TRPA1: variants seen among roughly 807,000 people sequenced by gnomAD.
TRPA1 encodes ankyrin-like with transmembrane domains 1.
A neutral mutation model predicts 131.3 loss-of-function variants in TRPA1; 129 were observed. The observed-to-expected ratio is 0.98, with a 90% CI of 0.85 to 1.14. The LOEUF (loss-of-function observed/expected upper bound fraction) is 1.14. Ranked by LOEUF, TRPA1 falls within the 50% of genes most tolerant of loss-of-function variation. The pLI is 0.00. For missense variants in TRPA1, 1,304 were observed against 1,354.2 expected (o/e 0.96, Z 0.58); for synonymous variants, 441 against 451.7 (o/e 0.98, Z 0.30).
Position 72,055,563 on chromosome 8 carries a change from C to A in TRPA1, c.1402G>T (p.Asp468Tyr), listed in dbSNP as rs756082155. The change falls in exon 12 of 27, where the codon GAC becomes TAC. Residue 468 changes from aspartate (D) to tyrosine (Y), a missense_variant. Asp to Tyr is a radical substitution (Grantham distance 160, BLOSUM62 -3). Transcript: ENST00000262209. ...RINTCQRLLQ[D>Y]ISDTRLLNEG... ...TTCAGAAGCCTCGTATCACTTATGT[C>A]TTGTAGGAGCCTCTGACAGGTATTG... is the stretch of plus-strand genomic sequence containing the variant. 2.5e-6 allele frequency: 4 copies of A among 1,613,602 alleles called. No homozygotes were observed. In the Admixed American group the frequency reaches 6.7e-5, roughly 27 times the overall value.
chr8:72,062,730 G>C lies in TRPA1; in HGVS notation c.807+69C>G. On this transcript the variant is annotated intron_variant, in intron 6 of 26. Transcript: ENST00000262209. ...TTCAATCTAAATTAACTGTAAAAGA[G>C]CTATAAAGCATTTTATATGTTTATG... is the stretch of plus-strand genomic sequence containing the variant. 2.8e-6 allele frequency: 4 copies of C among 1,447,206 alleles called. No homozygotes were observed. The Middle Eastern group carries it at 6.4e-4, about 231-fold the overall frequency. The allele number at this position is 1,447,206 out of a possible 1,614,324, so 89.6% of individuals were successfully genotyped here. A position where few individuals can be genotyped will look rare whatever the true frequency, so the allele number is the denominator to read the frequency against.
At chr8:72,035,276 T>G (rs965308620) in intron 21 of TRPA1, among the ~76,000 whole-genome samples, 1 of 152,234 alleles carries the variant, frequency 6.6e-6, no homozygotes, top group African/African-American at 2.4e-5. Context: ...CCACTAATAA[T>G]GACAGAGCCA....
At chr8:72,025,410 G>A (rs1811564270) in intron 25 of TRPA1, among the ~76,000 whole-genome samples, 1 of 152,068 alleles carries the variant, frequency 6.6e-6, no homozygotes, top group Non-Finnish European at 1.5e-5. Flanking sequence ...CAAGTTTCCT[G>A]AGGCCTCCTC....
chr8:72,085,668 T>G, the TRPA1 span, among the ~76,000 whole-genome samples: 2 of 152,172 alleles, frequency 1.3e-5, no homozygotes, highest in East Asian at 3.8e-4. Context: ...ATGTGTTGCA[T>G]GCAAGCAGCT....
At chr8:72,023,654 T>TA (rs1811477650) in intron 26 of TRPA1, 160 bp downstream of exon 26, 3 of 564,800 alleles carry the variant, frequency 5.3e-6, no homozygotes, top group African/African-American at 1.9e-5. Context: ...TTGTTGGTTC[T>TA]AAAAAATGTC....
intron 21 of TRPA1, among the ~76,000 whole-genome samples, chr8:72,035,389 T>G (rs1470012529): frequency 2.6e-5 from 4 of 152,178 alleles, no homozygotes; most frequent in Non-Finnish European, 4.4e-5. Flanking sequence ...ACTCTATCAC[T>G]GTGCTTATGA....
the TRPA1 span, among the ~76,000 whole-genome samples, chr8:72,087,017 CTT>C: frequency 6.6e-6 from 1 of 152,112 alleles, no homozygotes; most frequent in East Asian, 1.9e-4. Context: ...CTGATTTTCT[CTT>C]TCTTTTAATT....
At chr8:72,063,989 G>C (rs1224761385) in intron 4 of TRPA1, among the ~76,000 whole-genome samples, 1 of 151,930 alleles carries the variant, frequency 6.6e-6, no homozygotes, top group Non-Finnish European at 1.5e-5. Flanking sequence ...CTCTTGTTAA[G>C]CCATGATAAT....
At chr8:72,076,322 CATT>C (rs1806184946), upstream of TRPA1, among the ~76,000 whole-genome samples, 1 of 152,188 alleles carries the variant, frequency 6.6e-6, no homozygotes, top group African/African-American at 2.4e-5. Context: ...GACTGCTCTT[CATT>C]AAGTGTCAAT....
chr8:72,078,483 T>G (rs1380482752), upstream of TRPA1, among the ~76,000 whole-genome samples: 2 of 152,156 alleles, frequency 1.3e-5, no homozygotes, highest in Non-Finnish European at 2.9e-5. Context: ...TCTCTAGAAA[T>G]TTCAGATACA....
intron 23 of TRPA1, 82 bp downstream of exon 23, chr8:72,033,562 G>C: frequency 7.6e-7 from 1 of 1,317,840 alleles, no homozygotes; most frequent in Non-Finnish European, 1.1e-6. Flanking sequence ...AGTGGAGGAA[G>C]ATTAAAGAAG....
intron 15 of TRPA1, among the ~76,000 whole-genome samples, chr8:72,048,537 C>A (rs1805408451): frequency 6.6e-6 from 1 of 151,834 alleles, no homozygotes. Context: ...CTGTGCAAGG[C>A]AGAAACAGGC....
Position 72,052,862 on chromosome 8 carries a change from A to C in TRPA1, c.1645-97T>G, listed in dbSNP as rs186049917. ...TTAAAAGACATTAGCGACACTATTT[A>C]ATACCAAAATACATAGCACTTAAAA... On this transcript the variant is annotated intron_variant, in intron 13 of 26. Coordinates refer to ENST00000262209, the MANE Select transcript of TRPA1 (RefSeq NM_007332.3). 2.0e-5 allele frequency: 27 copies of C among 1,356,196 alleles called. No individual in the cohort carries two copies. In the Admixed American group the frequency reaches 2.6e-4, roughly 13 times the overall value. The allele number at this position is 1,356,196 out of a possible 1,614,324, so 84.0% of individuals were successfully genotyped here.
chr8:72,025,858 G>A (rs2129432540), intron 25 of TRPA1, 102 bp downstream of exon 25: 2 of 960,012 alleles, frequency 2.1e-6, no homozygotes, highest in Non-Finnish European at 3.3e-6. Flanking sequence ...CACAGGCAGA[G>A]AAGACTCAAA....
chr8:72,087,606 G>A, the TRPA1 span, among the ~76,000 whole-genome samples: 1 of 142,568 alleles, frequency 7.0e-6, no homozygotes, highest in African/African-American at 2.6e-5. Flanking sequence ...CCACTGTTTT[G>A]TTTTTCAGTT....
upstream of TRPA1, among the ~76,000 whole-genome samples, chr8:72,080,554 T>C (rs1174193313): frequency 6.6e-6 from 1 of 151,830 alleles, no homozygotes; most frequent in African/African-American, 2.4e-5. Flanking sequence ...GATATCTTTG[T>C]ATAGCTTTGC....
the TRPA1 span, among the ~76,000 whole-genome samples, chr8:72,088,811 T>G: frequency 1.3e-5 from 2 of 152,312 alleles, no homozygotes; most frequent in East Asian, 3.9e-4. Flanking sequence ...AAGCATATCT[T>G]GCTCTTTCTA....
intron 17 of TRPA1, among the ~76,000 whole-genome samples, chr8:72,045,808 G>T (rs13270274): frequency 6.6e-6 from 1 of 151,664 alleles, no homozygotes; most frequent in Non-Finnish European, 1.5e-5. Flanking sequence ...ACTACAGGGG[G>T]TCAAATGCAT....
At position 72,071,957 on chromosome 8, in the gene TRPA1, T is replaced by C. The variant is rs555889642; in HGVS notation, c.112-90A>G. ...TATAGCCTGAAAGAACTTATTATTA[T>C]CCAAAACTATCTATCATGCTTATAT... is the stretch of plus-strand genomic sequence containing the variant. On this transcript the variant is annotated intron_variant, in intron 1 of 26. Transcript: ENST00000262209. 595 of 1,152,452 alleles carry C rather than the reference T, an allele frequency of 5.2e-4. 3 individuals are homozygous for C. The highest frequency in any genetic ancestry group is 6.3e-4 in the Non-Finnish European group (492 of 784,096). 71.4% of individuals were successfully genotyped at this position (1,152,452 alleles called of 1,614,324 possible).
Sources: gnomAD v4.1 joint callset for allele counts (sites outside exome capture counted in the v4.1 genomes callset) on GRCh38, gnomAD v4.1.1 for gene constraint, MANE v1.5 for transcripts, NCBI Gene and HGNC (gene_info 2026-07-23, HGNC 2026-07-21) for gene names.